C4orf51: variants seen among roughly 807,000 people sequenced by gnomAD.
C4orf51 encodes the protein chromosome 4 open reading frame 51.
In C4orf51, 25 loss-of-function variants were observed where a neutral mutation model predicts 25.2. The ratio of observed to expected loss-of-function variants is 0.99; its 90% CI spans 0.72 to 1.39. The LOEUF (loss-of-function observed/expected upper bound fraction) is 1.39, where lower values mean the gene tolerates loss of function less well. Ranked by LOEUF, C4orf51 falls within the 40% of genes most tolerant of loss-of-function variation. The pLI is 0.00. For synonymous variants in C4orf51, 100 were observed against 84.5 expected (o/e 1.18, Z -1.01); for missense variants, 252 against 239.6 (o/e 1.05, Z -0.34).
the C4orf51 span, among the ~76,000 whole-genome samples, chr4:145,781,235 A>AT: frequency 6.6e-6 from 1 of 150,580 alleles, no homozygotes; most frequent in African/African-American, 2.4e-5. Flanking sequence ...AAAGAAAAAA[A>AT]AAAAAAGAAA....
chr4:145,776,822 T>C, the C4orf51 span, among the ~76,000 whole-genome samples: 27,370 of 152,212 alleles, frequency 0.18, 3,443 homozygotes, highest in East Asian at 0.69. Context: ...AATTTCATTT[T>C]ACATAAATAA....
the C4orf51 span, among the ~76,000 whole-genome samples, chr4:145,791,333 C>T: frequency 2.0e-5 from 3 of 152,198 alleles, no homozygotes; most frequent in African/African-American, 7.2e-5. Context: ...GAGGGCTCCA[C>T]TCCCAAGACC....
At chr4:145,716,827 T>A (rs1731443785) in intron 2 of C4orf51, among the ~76,000 whole-genome samples, 2 of 152,218 alleles carry the variant, frequency 1.3e-5, no homozygotes, top group South Asian at 4.1e-4. Context: ...ATAGTACATC[T>A]GAGGAGGGTT....
the C4orf51 span, among the ~76,000 whole-genome samples, chr4:145,778,425 C>T: frequency 3.3e-5 from 5 of 152,282 alleles, no homozygotes; most frequent in East Asian, 1.9e-4. Flanking sequence ...TGAGCCATCG[C>T]GCCCGACAAC....
chr4:145,760,663 G>C, intron 1 of C4orf51: 1 of 636,426 alleles, frequency 1.6e-6, no homozygotes, highest in Non-Finnish European at 2.1e-6. Context: ...CAGACCCATC[G>C]GGGTCTGTAG....
chr4:145,722,379 T>G (rs954970116), intron 2 of C4orf51, among the ~76,000 whole-genome samples: 2 of 152,218 alleles, frequency 1.3e-5, no homozygotes, highest in African/African-American at 2.4e-5. Context: ...CTCCTATGGA[T>G]AAGAATGTTC....
chr4:145,763,507 T>C lies in C4orf51; in HGVS notation n.167-7481T>C, dbSNP rs1009763002. On this transcript the variant is annotated intron_variant and non_coding_transcript_variant, in intron 1 of 1. Coordinates refer to the C4orf51 transcript ENST00000510096. This position sits in a 1 kb window ranked among gnomAD's most constrained non-coding sequence, Gnocchi z 4.6. ...GACGGTTAGCACCGCACGGGAAGTG[T>C]CTGTACCAGCAAAAGCATCAGAATT... Among the ~76,000 whole-genome samples the C allele has an allele frequency of 1.3e-5, 2 of 152,196 alleles. No individual in the cohort carries two copies. Among genetic ancestry groups the C allele is most frequent in the African/African-American group, 4.8e-5 (2 of 41,450 alleles).
the C4orf51 span, among the ~76,000 whole-genome samples, chr4:145,777,729 T>C: frequency 6.6e-6 from 1 of 152,220 alleles, no homozygotes; most frequent in African/African-American, 2.4e-5. Context: ...CTTTGTTGTT[T>C]TATCAATTCC....
Position 145,765,693 on chromosome 4 carries a change from G to C in C4orf51, n.167-5295G>C, listed in dbSNP as rs1560889112. ...TGAATCACTCAGAGCTGAGAGGGAG[G>C]ATGAAGAGGGGCTATTTGATTCGCT... On this transcript the variant is annotated intron_variant and non_coding_transcript_variant, in intron 1 of 1. Coordinates refer to the C4orf51 transcript ENST00000510096. The surrounding 1 kb of genome is among the most constrained non-coding windows in gnomAD (Gnocchi z 4.7). 6.2e-7 allele frequency: 1 copy of C among 1,614,136 alleles called. No individual in the cohort carries two copies. The highest frequency in any genetic ancestry group is 2.2e-5 in the East Asian group (1 of 44,874).
chr4:145,785,702 A>G, the C4orf51 span, among the ~76,000 whole-genome samples: 1 of 152,322 alleles, frequency 6.6e-6, no homozygotes. Context: ...TAATTACCCC[A>G]GGTAACCTGG....
chr4:145,687,277 T>C (rs1729223510), intron 1 of C4orf51, among the ~76,000 whole-genome samples: 1 of 152,158 alleles, frequency 6.6e-6, no homozygotes, highest in Non-Finnish European at 1.5e-5. Flanking sequence ...CTGCCTTTGC[T>C]TCAAGTTGTC....
At position 145,763,227 on chromosome 4, in the gene C4orf51, AGTCT is replaced by A; in HGVS notation, n.167-7758_167-7755del. 8.8e-7 allele frequency: 1 copy of A among 1,138,236 alleles called. No homozygotes were observed. The highest frequency in any genetic ancestry group is 1.5e-5 in the South Asian group (1 of 67,686). 70.5% of individuals were successfully genotyped at this position (1,138,236 alleles called of 1,614,324 possible). On this transcript the variant is annotated intron_variant and non_coding_transcript_variant, in intron 1 of 1. Coordinates refer to the C4orf51 transcript ENST00000510096. This position sits in a 1 kb window ranked among gnomAD's most constrained non-coding sequence, Gnocchi z 4.6. Reference sequence around the variant, plus strand: ...ACAGAAAAGCAATTTAGACATCAGCAGTCTGTTTCATTTTAAGGACATTTCTGTG... The same window carrying A: ...ACAGAAAAGCAATTTAGACATCAGCAGTTTCATTTTAAGGACATTTCTGTG...
intron 1 of C4orf51, among the ~76,000 whole-genome samples, chr4:145,770,330 AT>A (rs1309729896): frequency 1.1e-4 from 16 of 146,526 alleles, no homozygotes; most frequent in Non-Finnish European, 1.8e-4. Flanking sequence ...AAATAAATAA[AT>A]AAATAAATAA....
downstream of C4orf51, among the ~76,000 whole-genome samples, chr4:145,771,268 T>G (rs1226014197): frequency 6.6e-6 from 1 of 152,220 alleles, no homozygotes; most frequent in Non-Finnish European, 1.5e-5. Flanking sequence ...ATGTGTCAGA[T>G]CTCTCGATTG....
intron 1 of C4orf51, among the ~76,000 whole-genome samples, chr4:145,746,989 A>C (rs898507023): frequency 6.6e-6 from 1 of 151,742 alleles, no homozygotes; most frequent in Non-Finnish European, 1.5e-5. Context: ...TCCCTTTTTA[A>C]ATTTCTTTTT....
At chr4:145,779,281 G>C in the C4orf51 span, 4 of 1,476,438 alleles carry the variant, frequency 2.7e-6, no homozygotes, top group Admixed American at 9.8e-5. Flanking sequence ...AGCACTTCCT[G>C]TAATGCCTCT....
At position 145,763,117 on chromosome 4, in the gene C4orf51, C is replaced by A; in HGVS notation, n.167-7871C>A. 1 of 1,536,098 alleles carries A rather than the reference C, an allele frequency of 6.5e-7. No individual in the cohort carries two copies. The highest frequency in any genetic ancestry group is 8.7e-7 in the Non-Finnish European group (1 of 1,146,886). ...AGAGGAGTCTGAAACTCACCACTGTCCTGAGCTACGGCAAAAGAAAAATAA... is the reference window on the plus strand; with the variant it reads ...AGAGGAGTCTGAAACTCACCACTGTACTGAGCTACGGCAAAAGAAAAATAA... On this transcript the variant is annotated intron_variant and non_coding_transcript_variant, in intron 1 of 1. Transcript: ENST00000510096. This position sits in a 1 kb window ranked among gnomAD's most constrained non-coding sequence, Gnocchi z 4.6.
At position 145,694,773 on chromosome 4, in the gene C4orf51, G is replaced by T. The variant is rs151172319; in HGVS notation, c.234-1786G>T. Among the ~76,000 whole-genome samples the T allele has an allele frequency of 6.8e-3, 1,038 of 151,820 alleles. 7 individuals carry two copies. Among genetic ancestry groups the T allele is most frequent in the Middle Eastern group, 0.034 (10 of 294 alleles). Reference sequence around the variant, plus strand: ...CCAAGTTTTTAGTTTTTTCAGAAATGAACATAATTACTGTAATCTTTCTTA... The same window carrying T: ...CCAAGTTTTTAGTTTTTTCAGAAATTAACATAATTACTGTAATCTTTCTTA... On this transcript the variant is annotated intron_variant, in intron 1 of 5. Transcript: ENST00000438731.
chr4:145,725,861 G>C (rs1732025643), intron 2 of C4orf51, among the ~76,000 whole-genome samples: 1 of 152,162 alleles, frequency 6.6e-6, no homozygotes, highest in Non-Finnish European at 1.5e-5. Context: ...GGTGATGATT[G>C]CATAACCTGA....
Sources: gnomAD v4.1 joint callset for allele counts (sites outside exome capture counted in the v4.1 genomes callset) on GRCh38, gnomAD v4.1.1 for gene constraint, Gnocchi (gnomAD v3.1) non-coding constraint, MANE v1.5 for transcripts, NCBI Gene and HGNC (gene_info 2026-07-23, HGNC 2026-07-21) for gene names.